The following HYAL2 variants were observed in gnomAD, a reference collection of about 807,000 sequenced individuals.
The protein encoded by HYAL2 is hyaluronidase 2.
Under a neutral mutation model 35.4 loss-of-function variants are expected in HYAL2, and 30 were observed. The observed-to-expected ratio is 0.85, with a 90% CI of 0.63 to 1.15. The LOEUF (loss-of-function observed/expected upper bound fraction) is 1.15. Among genes scored for constraint, HYAL2 ranks in the 50% most tolerant of loss-of-function variants. HYAL2 has a pLI of 0.00. For missense variants in HYAL2, 635 were observed against 646.5 expected, an observed-to-expected ratio of 0.98 and a Z score of 0.19; for synonymous variants, 262 against 252.8, an observed-to-expected ratio of 1.04 and a Z score of -0.34.
chr3:50,321,720 C>T (rs1702700944), intron 1 of HYAL2: 1 of 152,156 alleles, frequency 6.6e-6, no homozygotes, highest in Admixed American at 6.6e-5. Context: ...AAATGTTTCC[C>T]CTGCAGCCCG....
Position 50,318,825 on chromosome 3 carries a change from A to G in HYAL2, c.1011+131T>C, listed in dbSNP as rs1372815679. 2.4e-6 allele frequency: 2 copies of G among 836,536 alleles called. No homozygotes were observed. The highest frequency in any genetic ancestry group is 4.0e-6 in the Non-Finnish European group (2 of 501,422). 51.8% of individuals were successfully genotyped at this position (836,536 alleles called of 1,614,324 possible). A position where few individuals can be genotyped will look rare whatever the true frequency, so the allele number is the denominator to read the frequency against. ...GCCGGGGTGACCTCCTCCTGTTGCC[A>G]CCAGGGATGCCTCGGGTGGGAGACA... is the stretch of plus-strand genomic sequence containing the variant. On this transcript the variant is annotated intron_variant, in intron 3 of 3. Transcript: ENST00000357750. The surrounding 1 kb of genome is among the most constrained non-coding windows in gnomAD (Gnocchi z 4.5).
intron 2 of HYAL2, among the ~76,000 whole-genome samples, 180 bp downstream of exon 2, chr3:50,319,389 G>A (rs1702632299): frequency 6.6e-6 from 1 of 152,198 alleles, no homozygotes; most frequent in Non-Finnish European, 1.5e-5. Context: ...TGCCTCAATT[G>A]TTCTCATCTG....
In HYAL2 at chr3:50,320,700, G is replaced by A. The variant is rs189740065; in HGVS notation, c.-46-165C>T. On this transcript the variant is annotated intron_variant, in intron 1 of 3. Transcript: ENST00000357750. This position sits in a 1 kb window ranked among gnomAD's most constrained non-coding sequence, Gnocchi z 4.8. ...ACTGCAGGGCAGACAAGGCACCCTG[G>A]GAACTCACTGCCAGAAGCACAGGGC... The A allele has an allele frequency of 3.2e-5, 17 of 523,982 alleles. No homozygotes were observed. Among genetic ancestry groups the A allele is most frequent in the African/African-American group, 3.2e-4 (17 of 52,654 alleles). 32.5% of individuals were successfully genotyped at this position (523,982 alleles called of 1,614,324 possible). A position where few individuals can be genotyped will look rare whatever the true frequency, so the allele number is the denominator to read the frequency against.
At position 50,320,023 on chromosome 3, in the gene HYAL2, C is replaced by T. The variant is rs1360711139; in HGVS notation, c.467G>A (p.Arg156His). ...AGGGTGACGACTGGCCACTAGCTGGCGTGATAACCGGCGATACACATCTTT... is the reference window on the plus strand; with the variant it reads ...AGGGTGACGACTGGCCACTAGCTGGTGTGATAACCGGCGATACACATCTTT... ...QDKDVYRRLS[R>H]QLVASRHPDW... Residue 156 changes from arginine to histidine, a missense_variant, in exon 2 of 4, where the codon CGC becomes CAC. Coordinates refer to ENST00000357750, the MANE Select transcript of HYAL2 (RefSeq NM_003773.5). The surrounding 1 kb of genome is among the most constrained non-coding windows in gnomAD (Gnocchi z 4.8). 2 of 1,613,296 alleles carry T rather than the reference C, an allele frequency of 1.2e-6. No individual in the cohort carries two copies. The highest frequency in any genetic ancestry group is 1.7e-6 in the Non-Finnish European group (2 of 1,180,044).
At position 50,318,069 on chromosome 3, in the gene HYAL2, C is replaced by T. The variant is rs14352; in HGVS notation, c.*60G>A. 60 of 1,508,154 alleles carry T rather than the reference C, an allele frequency of 4.0e-5. No homozygotes were observed. The African/African-American group carries it at 6.7e-4, about 17-fold the overall frequency. 93.4% of individuals were successfully genotyped at this position (1,508,154 alleles called of 1,614,324 possible). A position where few individuals can be genotyped will look rare whatever the true frequency, so the allele number is the denominator to read the frequency against. ...TTTGTCCACCCCCTGCAGGGTCCTA[C>T]ATGCCTAAGAGAGCCCTTGTGGTAG... On this transcript the variant is annotated 3_prime_UTR_variant, in exon 4 of 4. Coordinates refer to ENST00000357750, the MANE Select transcript of HYAL2 (RefSeq NM_003773.5). The surrounding 1 kb of genome is among the most constrained non-coding windows in gnomAD (Gnocchi z 4.5).
rs781956056 is a variant in HYAL2 at position 50,319,830 on chromosome 3, C to T, written c.660G>A (p.Trp220Ter). The T allele has an allele frequency of 4.3e-6, 7 of 1,613,630 alleles. No homozygotes were observed. Among genetic ancestry groups the T allele is most frequent in the Non-Finnish European group, 5.9e-6 (7 of 1,179,994 alleles). Residue 220 changes from tryptophan (W) to a stop codon, truncating the protein, a stop_gained, in exon 2 of 4, where the codon TGG becomes TGA. Transcript: ENST00000357750. LOFTEE classifies it high-confidence loss of function. ...CAGGGCAGCGGCCTGTGTAGCTCTC[C>T]CAGTTCTGCACATAATCATGATTGT... ...DCYNHDYVQN[W>*]ESYTGRCPDV...
rs587646391 is a variant in HYAL2, at chr3:50,322,707, G to A, written c.-101C>T. The A allele has an allele frequency of 6.6e-6, 1 of 152,352 alleles. No homozygotes were observed. Among genetic ancestry groups the A allele is most frequent in the Non-Finnish European group, 1.5e-5 (1 of 68,038 alleles). 9.4% of individuals were successfully genotyped at this position (152,352 alleles called of 1,614,324 possible). ...CGGTGGCCTCCCTCCTTCCTGGGGT[G>A]AGCCTCTCCAGCTAGGCTACTTGCG... On this transcript the variant is annotated 5_prime_UTR_variant, in exon 1 of 4. Transcript: ENST00000357750. The surrounding 1 kb of genome is among the most constrained non-coding windows in gnomAD (Gnocchi z 5.5).
chr3:50,318,061 G>A lies in HYAL2; in HGVS notation c.*68C>T, dbSNP rs1292320078. On this transcript the variant is annotated 3_prime_UTR_variant, in exon 4 of 4. Coordinates refer to ENST00000357750, the MANE Select transcript of HYAL2 (RefSeq NM_003773.5). The surrounding 1 kb of genome is among the most constrained non-coding windows in gnomAD (Gnocchi z 4.5). ...GACTCCAGTTTGTCCACCCCCTGCAGGGTCCTACATGCCTAAGAGAGCCCT... is the reference window on the plus strand; with the variant it reads ...GACTCCAGTTTGTCCACCCCCTGCAAGGTCCTACATGCCTAAGAGAGCCCT... 1.3e-6 allele frequency: 2 copies of A among 1,488,326 alleles called. No individual in the cohort carries two copies. Among genetic ancestry groups the A allele is most frequent in the Non-Finnish European group, 1.8e-6 (2 of 1,110,488 alleles). 92.2% of individuals were successfully genotyped at this position (1,488,326 alleles called of 1,614,324 possible).
At chr3:50,321,803 A>G (rs1034439623) in intron 1 of HYAL2, 1 of 32,576 alleles carries the variant, frequency 3.1e-5, no homozygotes, top group African/African-American at 1.6e-4. Context: ...GGGACAAGGC[A>G]GGGGGACGGG....
At position 50,319,810 on chromosome 3, in the gene HYAL2, C is replaced by A; in HGVS notation, c.680G>T (p.Cys227Phe). Residue 227 changes from cysteine (C) to phenylalanine (F), a missense_variant, in exon 2 of 4, where the codon TGC becomes TTC. Physicochemically the swap from Cys to Phe is radical, Grantham distance 205. Transcript: ENST00000357750. Reference sequence around the variant, plus strand: ...ATTGCGGGCCACCTCAACATCAGGGCAGCGGCCTGTGTAGCTCTCCCAGTT... The same window carrying A: ...ATTGCGGGCCACCTCAACATCAGGGAAGCGGCCTGTGTAGCTCTCCCAGTT... ...VQNWESYTGR[C>F]PDVEVARNDQ... 6.2e-7 allele frequency: 1 copy of A among 1,613,780 alleles called. No individual in the cohort carries two copies. Among genetic ancestry groups the A allele is most frequent in the Non-Finnish European group, 8.5e-7 (1 of 1,180,040 alleles).
chr3:50,318,323 C>A lies in HYAL2; in HGVS notation c.1228G>T (p.Val410Leu), dbSNP rs782676879. Residue 410 changes from valine (V) to leucine (L), a missense_variant, in exon 4 of 4, where the codon GTG becomes TTG. Transcript: ENST00000357750. This position sits in a 1 kb window ranked among gnomAD's most constrained non-coding sequence, Gnocchi z 4.5. ...HAPGEPQLRP[V>L]GELSWADIDH... Reference sequence around the variant, plus strand: ...ATGTCGGCCCAACTGAGCTCCCCCACAGGTCGCAGCTGGGGTTCACCAGGT... The same window carrying A: ...ATGTCGGCCCAACTGAGCTCCCCCAAAGGTCGCAGCTGGGGTTCACCAGGT... 1.9e-6 allele frequency: 3 copies of A among 1,613,506 alleles called. No homozygotes were observed. The highest frequency in any genetic ancestry group is 2.5e-6 in the Non-Finnish European group (3 of 1,180,034).
chr3:50,319,819 G>T lies in HYAL2; in HGVS notation c.671C>A (p.Thr224Lys). Residue 224 changes from threonine to lysine, a missense_variant, in exon 2 of 4, where the codon ACA becomes AAA. By Grantham distance (78) the Thr-to-Lys change is moderately conservative (BLOSUM62 -1). Transcript: ENST00000357750. Reference protein sequence around the residue: ...HDYVQNWESYTGRCPDVEVAR... With the variant: ...HDYVQNWESYKGRCPDVEVAR... ...CACCTCAACATCAGGGCAGCGGCCT[G>T]TGTAGCTCTCCCAGTTCTGCACATA... The T allele has an allele frequency of 6.2e-7, 1 of 1,613,736 alleles. No homozygotes were observed. The highest frequency in any genetic ancestry group is 1.3e-5 in the African/African-American group (1 of 75,062).
At position 50,318,967 on chromosome 3, in the gene HYAL2, T is replaced by C. The variant is rs1553716008; in HGVS notation, c.1000A>G (p.Thr334Ala). The C allele has an allele frequency of 1.2e-6, 2 of 1,613,442 alleles. No individual in the cohort carries two copies. The highest frequency in any genetic ancestry group is 1.7e-5 in the Admixed American group (1 of 59,994). Residue 334 changes from threonine to alanine, a missense_variant, in exon 3 of 4, where the codon ACC becomes GCC. Transcript: ENST00000357750. This position sits in a 1 kb window ranked among gnomAD's most constrained non-coding sequence, Gnocchi z 4.5. ...GVILWGDAGY[T>A]TSTETCQYLK... ...TGGGTCTCGCTTACCGTGCTTGTGG[T>C]GTACCCCGCGTCACCCCAGAGGATG...
chr3:50,318,901 CCTAA>C lies in HYAL2; in HGVS notation c.1011+51_1011+54del, dbSNP rs1559831287. ...CCACCTGAGGTTGGTAGCCAAAGGC[CCTAA>C]CTCTCTGTCTGTCCCATAGACTGAG... On this transcript the variant is annotated intron_variant, in intron 3 of 3. Transcript: ENST00000357750. This position sits in a 1 kb window ranked among gnomAD's most constrained non-coding sequence, Gnocchi z 4.5. 9 of 1,495,014 alleles carry C rather than the reference CCTAA, an allele frequency of 6.0e-6. No individual in the cohort carries two copies. The highest frequency in any genetic ancestry group is 1.7e-4 in the Middle Eastern group (1 of 5,862). The allele number at this position is 1,495,014 out of a possible 1,614,324, so 92.6% of individuals were successfully genotyped here.
Position 50,320,163 on chromosome 3 carries a change from G to A in HYAL2, c.327C>T (p.His109=), listed in dbSNP as rs782254635. Residue 109 remains histidine, a synonymous_variant, in exon 2 of 4, where the codon CAC becomes CAT. Transcript: ENST00000357750. This position sits in a 1 kb window ranked among gnomAD's most constrained non-coding sequence, Gnocchi z 4.8. The stretch of plus-strand genomic sequence containing the variant: ...CCACACGTTTCTGCAGCATCTTCCG[G>A]TGTGCCCAAAGGCTGACATTCTGTG... ...GVPQNVSLWA[H]RKMLQKRVEH... is the part of the protein sequence containing the mutation. 1.9e-6 allele frequency: 3 copies of A among 1,613,762 alleles called. No individual in the cohort carries two copies. The African/African-American group carries it at 4.0e-5, about 22-fold the overall frequency.
rs781791940 is a variant in HYAL2, at chr3:50,320,521, G to A, written c.-32C>T. On this transcript the variant is annotated 5_prime_UTR_variant, in exon 2 of 4. Transcript: ENST00000357750. The surrounding 1 kb of genome is among the most constrained non-coding windows in gnomAD (Gnocchi z 4.8). ...GGCTGCAGGAGGTGTCACCTGCCTG[G>A]CACCAGCTCAGGAACTGGAAGAAGG... 3.3e-5 allele frequency: 49 copies of A among 1,493,270 alleles called. No individual in the cohort carries two copies. The highest frequency in any genetic ancestry group is 4.2e-5 in the Non-Finnish European group (47 of 1,124,766). 92.5% of individuals were successfully genotyped at this position (1,493,270 alleles called of 1,614,324 possible).
Position 50,318,410 on chromosome 3 carries a change from G to C in HYAL2, c.1141C>G (p.Pro381Ala). ...HGHGRCVRRN[P>A]SASTFLHLST... ...AGATGCAGGAAGGTACTGGCACTGG[G>C]GTTGCGGCGCACACAGCGCCCATGG... Residue 381 changes from proline (P) to alanine (A), a missense_variant, in exon 4 of 4, where the codon CCC becomes GCC. By Grantham distance (27) the Pro-to-Ala change is conservative. Coordinates refer to ENST00000357750, the MANE Select transcript of HYAL2 (RefSeq NM_003773.5). This position sits in a 1 kb window ranked among gnomAD's most constrained non-coding sequence, Gnocchi z 4.5. 6.2e-7 allele frequency: 1 copy of C among 1,613,290 alleles called. No individual in the cohort carries two copies. Among genetic ancestry groups the C allele is most frequent in the Non-Finnish European group, 8.5e-7 (1 of 1,180,046 alleles).
rs1702613316 is a variant in HYAL2 at position 50,318,667 on chromosome 3, G to A, written c.1012-128C>T. On this transcript the variant is annotated intron_variant, in intron 3 of 3. Coordinates refer to ENST00000357750, the MANE Select transcript of HYAL2 (RefSeq NM_003773.5). The surrounding 1 kb of genome is among the most constrained non-coding windows in gnomAD (Gnocchi z 4.5). ...CTGCACACATTCATACATTCAATCT[G>A]CACCTGAGCCACACAGTCCCTGCTC... 1.1e-6 allele frequency: 1 copy of A among 919,440 alleles called. No individual in the cohort carries two copies. The highest frequency in any genetic ancestry group is 1.7e-5 in the African/African-American group (1 of 60,198). The allele number at this position is 919,440 out of a possible 1,614,324, so 57.0% of individuals were successfully genotyped here. A position where few individuals can be genotyped will look rare whatever the true frequency, so the allele number is the denominator to read the frequency against.
At position 50,322,447 on chromosome 3, in the gene HYAL2, G is replaced by A. The variant is rs1559834531; in HGVS notation, c.-47+206C>T. On this transcript the variant is annotated intron_variant, in intron 1 of 3. Coordinates refer to ENST00000357750, the MANE Select transcript of HYAL2 (RefSeq NM_003773.5). This position sits in a 1 kb window ranked among gnomAD's most constrained non-coding sequence, Gnocchi z 5.5. ...CCCTACGCTCCACAGGCCTCTCCCGGTGGGGGGCAGGCTTAGACCCTGGCG... is the reference window on the plus strand; with the variant it reads ...CCCTACGCTCCACAGGCCTCTCCCGATGGGGGGCAGGCTTAGACCCTGGCG... 6.6e-6 allele frequency: 1 copy of A among 152,138 alleles called. No homozygotes were observed. The highest frequency in any genetic ancestry group is 1.9e-4 in the East Asian group (1 of 5,184). The allele number at this position is 152,138 out of a possible 1,614,324, so 9.4% of individuals were successfully genotyped here.
Sources: gnomAD v4.1 joint callset for allele counts (sites outside exome capture counted in the v4.1 genomes callset) on GRCh38, gnomAD v4.1.1 for gene constraint, Gnocchi (gnomAD v3.1) non-coding constraint, MANE v1.5 for transcripts, NCBI Gene and HGNC (gene_info 2026-07-23, HGNC 2026-07-21) for gene names.